The following KIF21A variants were observed in gnomAD, a reference collection of about 807,000 sequenced individuals.
KIF21A encodes the protein kinesin family member 21A.
Under a neutral mutation model 202.9 loss-of-function variants are expected in KIF21A, and 114 were observed. That is an observed-to-expected ratio of 0.56 (90% CI 0.48 to 0.66). The LOEUF (loss-of-function observed/expected upper bound fraction) is 0.66, where lower values mean the gene tolerates loss of function less well. Ranked by LOEUF, KIF21A falls within the 30% of genes least tolerant of loss-of-function variation. KIF21A has a pLI of 0.00. For synonymous variants in KIF21A, 667 were observed against 670.8 expected (o/e 0.99, Z 0.09); for missense variants, 1,677 against 1,994.9 (o/e 0.84, Z 3.04).
intron 33 of KIF21A, among the ~76,000 whole-genome samples, chr12:39,308,956 C>T (rs372520934): frequency 5.3e-5 from 8 of 152,004 alleles, no homozygotes; most frequent in Admixed American, 1.3e-4. Flanking sequence ...AAATGACTAC[C>T]GAGTTTACGT....
intron 7 of KIF21A, among the ~76,000 whole-genome samples, chr12:39,362,448 A>AT (rs1245088293): frequency 2.0e-5 from 3 of 152,148 alleles, no homozygotes; most frequent in African/African-American, 7.2e-5. Flanking sequence ...AATCCCAAAA[A>AT]TGTTTCCATT....
chr12:39,358,751 A>C (rs969290481), intron 7 of KIF21A, among the ~76,000 whole-genome samples: 1 of 152,230 alleles, frequency 6.6e-6, no homozygotes. Context: ...ATTTATTCTT[A>C]ATCACCAGTA....
chr12:39,330,773 C>T lies in KIF21A; in HGVS notation c.3292G>A (p.Asp1098Asn). The change falls in exon 23 of 38, where the codon GAT becomes AAT. Residue 1098 changes from aspartate (D) to asparagine (N), a missense_variant. This residue lies in a region of KIF21A where 705 missense variants were observed against 791.9 expected (regional missense o/e 0.89). Coordinates refer to ENST00000361418, the MANE Select transcript of KIF21A (RefSeq NM_001173464.2). ...TGTAAAGCATGGCCTAGTAAAGCAT[C>T]TAGCTCAGGATTTAATTCTGCCTTC... The part of the protein sequence containing the change: ...KEKAELNPEL[D>N]ALLGHALQDL... 6.2e-7 allele frequency: 1 copy of T among 1,613,924 alleles called. No individual in the cohort carries two copies. The highest frequency in any genetic ancestry group is 8.5e-7 in the Non-Finnish European group (1 of 1,179,832).
intron 11 of KIF21A, among the ~76,000 whole-genome samples, chr12:39,349,076 T>A (rs1435430132): frequency 6.6e-6 from 1 of 151,936 alleles, no homozygotes; most frequent in African/African-American, 2.4e-5. Flanking sequence ...CTGGACCACA[T>A]AAGGGAGGAA....
intron 1 of KIF21A, among the ~76,000 whole-genome samples, chr12:39,426,191 A>G (rs1197211220): frequency 1.3e-5 from 2 of 152,248 alleles, no homozygotes; most frequent in African/African-American, 2.4e-5. Flanking sequence ...TATTTTTAGA[A>G]TTGGAATATT....
At chr12:39,339,627 A>T (rs1947282596) in intron 16 of KIF21A, among the ~76,000 whole-genome samples, 1 of 152,232 alleles carries the variant, frequency 6.6e-6, no homozygotes, top group South Asian at 2.1e-4. Context: ...AGATGTAAAG[A>T]ATAATTAATC....
intron 1 of KIF21A, among the ~76,000 whole-genome samples, chr12:39,372,462 T>C (rs1024681540): frequency 6.6e-6 from 1 of 152,112 alleles, no homozygotes; most frequent in Non-Finnish European, 1.5e-5. Flanking sequence ...ACTCCATAGG[T>C]ATCATGTGGT....
chr12:39,440,386 G>A (rs1483791851), intron 1 of KIF21A, among the ~76,000 whole-genome samples: 2 of 152,140 alleles, frequency 1.3e-5, no homozygotes, highest in African/African-American at 2.4e-5. Context: ...ACTTTGGATG[G>A]TTTACTTAAT....
chr12:39,331,990 G>A (rs1946549084), intron 21 of KIF21A, 199 bp from the exon 22 acceptor site: 1 of 663,634 alleles, frequency 1.5e-6, no homozygotes, highest in Non-Finnish European at 2.6e-6. Context: ...ATTCAAGGTG[G>A]GATGTAAAGA....
chr12:39,426,150 T>C (rs1954728394), intron 1 of KIF21A, among the ~76,000 whole-genome samples: 1 of 152,082 alleles, frequency 6.6e-6, no homozygotes, highest in African/African-American at 2.4e-5. Flanking sequence ...AAATAAGCAG[T>C]TAACAAAGGA....
chr12:39,439,981 GA>G (rs58893279), intron 1 of KIF21A, among the ~76,000 whole-genome samples: 45,140 of 151,724 alleles, frequency 0.3, 8,421 homozygotes, highest in African/African-American at 0.53. Context: ...TTCATTAAAG[GA>G]AAAAAAGCAG....
At chr12:39,373,555 A>G (rs956515526) in intron 1 of KIF21A, among the ~76,000 whole-genome samples, 26 of 152,168 alleles carry the variant, frequency 1.7e-4, no homozygotes, top group African/African-American at 6.3e-4. Flanking sequence ...ATGTAATAAT[A>G]AAGATAAAAA....
chr12:39,327,686 G>T (rs1946090226), intron 24 of KIF21A, among the ~76,000 whole-genome samples: 1 of 152,170 alleles, frequency 6.6e-6, no homozygotes, highest in Admixed American at 6.5e-5. Flanking sequence ...TCTGGCCAGA[G>T]CCCAGAGGAT....
chr12:39,368,181 G>A (rs1949725724), intron 3 of KIF21A, 149 bp from the exon 4 acceptor site: 3 of 598,002 alleles, frequency 5.0e-6, no homozygotes, highest in Admixed American at 3.0e-5. Context: ...AAATGAATGA[G>A]GCTATTATTA....
chr12:39,325,751 TAA>T (rs1052159171), intron 26 of KIF21A, 86 bp downstream of exon 26: 22 of 916,486 alleles, frequency 2.4e-5, no homozygotes, highest in Non-Finnish European at 3.6e-5. Flanking sequence ...GCTAATCTAT[TAA>T]GAGTCAAATC....
chr12:39,367,355 T>C (rs557581375), intron 4 of KIF21A, among the ~76,000 whole-genome samples, 191 bp from the exon 5 acceptor site: 1 of 152,322 alleles, frequency 6.6e-6, no homozygotes, highest in East Asian at 1.9e-4. Flanking sequence ...ATTTTTTAAA[T>C]AGAAGAAAAC....
chr12:39,298,065 C>G (rs1348036039), intron 37 of KIF21A, among the ~76,000 whole-genome samples: 1 of 151,894 alleles, frequency 6.6e-6, no homozygotes, highest in Non-Finnish European at 1.5e-5. Context: ...GAAAACTTGA[C>G]AAAATTTATG....
chr12:39,295,188 A>G (rs564031012), intron 37 of KIF21A, among the ~76,000 whole-genome samples: 166 of 152,362 alleles, frequency 1.1e-3, no homozygotes, highest in African/African-American at 3.9e-3. Context: ...CCCTGTAAAT[A>G]TACACAGTTA....
intron 1 of KIF21A, among the ~76,000 whole-genome samples, chr12:39,432,420 A>G (rs577855560): frequency 1.3e-5 from 2 of 152,330 alleles, no homozygotes; most frequent in South Asian, 4.1e-4. Context: ...GAAACATTAT[A>G]AAGAATCAAA....
Sources: allele counts gnomAD v4.1 joint callset (sites outside exome capture counted in the v4.1 genomes callset), GRCh38; gene constraint gnomAD v4.1.1; regional missense constraint gnomAD v4.1.1; transcripts MANE v1.5; gene names NCBI Gene and HGNC (gene_info 2026-07-23, HGNC 2026-07-21).